Variants in MEGF11 observed in about 807,000 individuals in gnomAD.
MEGF11 encodes the protein multiple EGF like domains 11.
A neutral mutation model predicts 146.6 loss-of-function variants in MEGF11; 126 were observed. That is an observed-to-expected ratio of 0.86 (90% CI 0.74 to 1.00). MEGF11 has a LOEUF of 1.00. MEGF11 is among the 50% of genes least tolerant of loss of function. The pLI is 0.00. For synonymous variants in MEGF11, 532 were observed against 583.4 expected (o/e 0.91, Z 1.27); for missense variants, 1,509 against 1,521.2 (o/e 0.99, Z 0.13).
At chr15:65,916,005 A>AT (rs1312427766) in intron 18 of MEGF11, 143 bp downstream of exon 18, 2 of 1,086,986 alleles carry the variant, frequency 1.8e-6, no homozygotes, top group Admixed American at 6.6e-5. Flanking sequence ...CTTCCTCAGC[A>AT]TTTTTCCTTG....
At chr15:66,154,809 G>A (rs2089695806) in intron 1 of MEGF11, among the ~76,000 whole-genome samples, 1 of 152,190 alleles carries the variant, frequency 6.6e-6, no homozygotes. Flanking sequence ...ACCTTGGTGG[G>A]GTCTCAGTGG....
At chr15:65,914,455 A>G (rs879427372) in intron 19 of MEGF11, among the ~76,000 whole-genome samples, 1 of 152,128 alleles carries the variant, frequency 6.6e-6, no homozygotes, top group Non-Finnish European at 1.5e-5. Context: ...TAACATGGGG[A>G]CAATAACCCC....
chr15:66,104,503 CTTAAG>C (rs2086973735), intron 4 of MEGF11, among the ~76,000 whole-genome samples: 1 of 152,240 alleles, frequency 6.6e-6, no homozygotes, highest in South Asian at 2.1e-4. Context: ...CTTTGCCTCT[CTTAAG>C]TTCTTTCTCT....
At chr15:66,093,659 T>C (rs994516813) in intron 5 of MEGF11, among the ~76,000 whole-genome samples, 2 of 152,164 alleles carry the variant, frequency 1.3e-5, no homozygotes, top group African/African-American at 2.4e-5. Context: ...CTGCAAATAT[T>C]TGGGGGCAAT....
intron 10 of MEGF11, among the ~76,000 whole-genome samples, chr15:65,945,116 G>C (rs1377003440): frequency 6.6e-6 from 1 of 152,164 alleles, no homozygotes. Context: ...GGCTGGTCTC[G>C]AACTTGTGAC....
chr15:65,936,089 T>G (rs770066), intron 10 of MEGF11, among the ~76,000 whole-genome samples: 1 of 152,204 alleles, frequency 6.6e-6, no homozygotes, highest in Non-Finnish European at 1.5e-5. Context: ...CTACATGGGT[T>G]GGCATTGATG....
At position 66,229,958 on chromosome 15, in the gene MEGF11, G is replaced by T. The variant is rs1351935385; in HGVS notation, c.-9+23647C>A. 2.6e-5 allele frequency among the ~76,000 whole-genome samples: 4 copies of T among 152,324 alleles called. No homozygotes were observed. The East Asian group carries it at 7.7e-4, about 29-fold the overall frequency. On this transcript the variant is annotated intron_variant, in intron 1 of 25. Coordinates refer to ENST00000395614, the MANE Select transcript of MEGF11 (RefSeq NM_001385028.1). ...CTGCAACAAATTCTGTCTGAAAGTG[G>T]CAGTGGTGCGAACTTCCTGTCCTGT...
At chr15:66,177,419 C>T (rs2219738) in intron 1 of MEGF11, among the ~76,000 whole-genome samples, 50,945 of 151,984 alleles carry the variant, frequency 0.34, 9,088 homozygotes, top group East Asian at 0.48. Flanking sequence ...TCTCCTTTTA[C>T]ATCATGTATT....
At chr15:65,988,008 C>CTTTTTTTT (rs35039801) in intron 5 of MEGF11, among the ~76,000 whole-genome samples, 3 of 93,610 alleles carry the variant, frequency 3.2e-5, no homozygotes, top group Non-Finnish European at 4.2e-5. Context: ...AGTACCCGGT[C>CTTTTTTTT]TTTTTTTTTT....
rs114730883 is a variant in MEGF11 at position 66,136,196 on chromosome 15, C to A, written c.-8-7785G>T. On this transcript the variant is annotated intron_variant, in intron 1 of 25. Coordinates refer to ENST00000395614, the MANE Select transcript of MEGF11 (RefSeq NM_001385028.1). ...ACAACAGTTTCTTGTGAGGATTAAA[C>A]AGGTAATGCAGGTGGTGCCCTGCAA... 4.0e-3 allele frequency among the ~76,000 whole-genome samples: 608 copies of A among 152,348 alleles called. 3 individuals carry two copies. Among genetic ancestry groups the A allele is most frequent in the African/African-American group, 0.014 (593 of 41,588 alleles).
At chr15:66,068,388 C>T (rs1057199207) in intron 5 of MEGF11, among the ~76,000 whole-genome samples, 6 of 152,210 alleles carry the variant, frequency 3.9e-5, no homozygotes, top group South Asian at 2.1e-4. Flanking sequence ...ACCCTGGCTA[C>T]GACCCACCAC....
At chr15:65,961,997 G>GGACGTATATCTTATGTGC (rs2080872719) in intron 9 of MEGF11, among the ~76,000 whole-genome samples, 1 of 152,108 alleles carries the variant, frequency 6.6e-6, no homozygotes, top group African/African-American at 2.4e-5. Context: ...AGGAGAAGAA[G>GGACGTATATCTTATGTGC]GACGTATATC....
chr15:66,195,025 A>AT (rs2090975835), intron 1 of MEGF11, among the ~76,000 whole-genome samples: 1 of 151,776 alleles, frequency 6.6e-6, no homozygotes, highest in Non-Finnish European at 1.5e-5. Context: ...GAAAAAAAAA[A>AT]CAAAAGAAAG....
chr15:65,991,127 T>C (rs2082031671), intron 5 of MEGF11, among the ~76,000 whole-genome samples: 2 of 152,198 alleles, frequency 1.3e-5, no homozygotes, highest in Non-Finnish European at 2.9e-5. Context: ...ACACCGTCTA[T>C]ACCTCCCTTA....
At chr15:66,211,523 CAAAA>C (rs10709815) in intron 1 of MEGF11, among the ~76,000 whole-genome samples, 6 of 91,620 alleles carry the variant, frequency 6.5e-5, no homozygotes, top group Non-Finnish European at 4.6e-5. Flanking sequence ...GACTCAGTCT[CAAAA>C]AAAAAAAAAA....
At chr15:66,054,133 T>C (rs1216132145) in intron 5 of MEGF11, among the ~76,000 whole-genome samples, 2 of 152,106 alleles carry the variant, frequency 1.3e-5, no homozygotes, top group Non-Finnish European at 2.9e-5. Context: ...CTCTGCTCAG[T>C]TCCCTGAAGC....
intron 23 of MEGF11, among the ~76,000 whole-genome samples, chr15:65,907,733 G>T (rs1311966292): frequency 6.6e-6 from 1 of 152,228 alleles, no homozygotes. Context: ...AGGGAAGCTG[G>T]CTAGGGTATT....
At chr15:66,131,768 A>C (rs1165468925) in intron 1 of MEGF11, among the ~76,000 whole-genome samples, 2 of 152,230 alleles carry the variant, frequency 1.3e-5, no homozygotes. Flanking sequence ...GCATTTTAGC[A>C]TAGCTTAGAC....
rs8037449 is a variant in MEGF11, at chr15:65,974,321, C to T, written c.763-3632G>A. ...GGGAGGAGTGAAGGGCAGAAGCAGC[C>T]GAGGACAGTGAGAGAATGCGTGTGT... On this transcript the variant is annotated intron_variant, in intron 7 of 25. Coordinates refer to ENST00000395614, the MANE Select transcript of MEGF11 (RefSeq NM_001385028.1). Among the ~76,000 whole-genome samples the T allele has an allele frequency of 6.2e-3, 946 of 151,918 alleles. 9 individuals are homozygous for T. Among genetic ancestry groups the T allele is most frequent in the African/African-American group, 0.021 (883 of 41,422 alleles).
Sources: gnomAD v4.1 joint callset for allele counts (sites outside exome capture counted in the v4.1 genomes callset) on GRCh38, gnomAD v4.1.1 for gene constraint, MANE v1.5 for transcripts, NCBI Gene and HGNC (gene_info 2026-07-23, HGNC 2026-07-21) for gene names.